Variants in DRC11 observed in about 807,000 individuals in gnomAD.
DRC11 encodes the protein IQ and AAA domain-containing protein 1.
At chr2:236,354,185 G>A in the DRC11 span, among the ~76,000 whole-genome samples, 3 of 148,886 alleles carry the variant, frequency 2.0e-5, no homozygotes, top group Non-Finnish European at 3.0e-5. Context: ...GTGTATGTCT[G>A]TGGTCAATGT....
chr2:236,465,908 C>A, the DRC11 span, among the ~76,000 whole-genome samples: 20 of 152,146 alleles, frequency 1.3e-4, no homozygotes, highest in Admixed American at 6.5e-5. The surrounding 1 kb of genome is among the most constrained non-coding windows in gnomAD (Gnocchi z 6.2). Context: ...TGACATAATG[C>A]TTTATGTTCT....
the DRC11 span, among the ~76,000 whole-genome samples, chr2:236,452,681 C>T: frequency 2.0e-5 from 3 of 152,314 alleles, no homozygotes; most frequent in African/African-American, 4.8e-5. The surrounding 1 kb of genome is among the most constrained non-coding windows in gnomAD (Gnocchi z 4.7). Context: ...AACCTCTTAG[C>T]GGCACCTTAC....
chr2:236,340,550 A>G, the DRC11 span, among the ~76,000 whole-genome samples: 8 of 152,238 alleles, frequency 5.3e-5, no homozygotes, highest in African/African-American at 1.9e-4. Context: ...GGTGGGAGTG[A>G]CTGGGCATTT....
the DRC11 span, among the ~76,000 whole-genome samples, chr2:236,378,108 A>G: frequency 6.6e-6 from 1 of 152,198 alleles, no homozygotes; most frequent in Non-Finnish European, 1.5e-5. Flanking sequence ...ACCCAAGCCA[A>G]ATACTATTCG....
the DRC11 span, among the ~76,000 whole-genome samples, chr2:236,438,765 A>AT: frequency 2.0e-5 from 3 of 151,982 alleles, no homozygotes; most frequent in East Asian, 1.9e-4. Context: ...CAGAATATAC[A>AT]TTTTTTTCAG....
the DRC11 span, among the ~76,000 whole-genome samples, chr2:236,397,150 G>T: frequency 6.6e-6 from 1 of 152,222 alleles, no homozygotes; most frequent in Non-Finnish European, 1.5e-5. This position sits in a 1 kb window ranked among gnomAD's most constrained non-coding sequence, Gnocchi z 5.0. Context: ...TTTCGTGGAA[G>T]CTCTTTCGGG....
At chr2:236,449,945 ATGTG>A in the DRC11 span, among the ~76,000 whole-genome samples, 1 of 152,154 alleles carries the variant, frequency 6.6e-6, no homozygotes, top group Non-Finnish European at 1.5e-5. This position sits in a 1 kb window ranked among gnomAD's most constrained non-coding sequence, Gnocchi z 5.1. Flanking sequence ...AGAAACCCCT[ATGTG>A]TGTATTTACA....
chr2:236,476,235 A>T, the DRC11 span, among the ~76,000 whole-genome samples: 2 of 151,548 alleles, frequency 1.3e-5, no homozygotes. This position sits in a 1 kb window ranked among gnomAD's most constrained non-coding sequence, Gnocchi z 4.7. Context: ...GTCCTCTCCA[A>T]TTTTTTCATC....
the DRC11 span, among the ~76,000 whole-genome samples, chr2:236,464,868 T>A: frequency 0.014 from 2,185 of 152,282 alleles, 57 homozygotes; most frequent in African/African-American, 0.05. Context: ...CTCTTGCTCT[T>A]GCCATTTGAC....
At chr2:236,474,578 T>TA in the DRC11 span, among the ~76,000 whole-genome samples, 1 of 152,178 alleles carries the variant, frequency 6.6e-6, no homozygotes, top group Non-Finnish European at 1.5e-5. Context: ...ATGTTAAACT[T>TA]AGACTGTACT....
chr2:236,386,314 C>G, the DRC11 span, among the ~76,000 whole-genome samples: 1 of 151,658 alleles, frequency 6.6e-6, no homozygotes, highest in Non-Finnish European at 1.5e-5. Flanking sequence ...GGTTGGTAAG[C>G]TATTGATTAT....
At chr2:236,309,410 C>T in the DRC11 span, among the ~76,000 whole-genome samples, 2 of 152,138 alleles carry the variant, frequency 1.3e-5, no homozygotes, top group Non-Finnish European at 2.9e-5. The surrounding 1 kb of genome is among the most constrained non-coding windows in gnomAD (Gnocchi z 5.7). Context: ...AAGGAAGAGA[C>T]ATCCCGTTTA....
At chr2:236,379,271 A>T in the DRC11 span, among the ~76,000 whole-genome samples, 1 of 140,188 alleles carries the variant, frequency 7.1e-6, no homozygotes, top group Non-Finnish European at 1.6e-5. Context: ...CCCAAACAGA[A>T]GAGTGACAGG....
the DRC11 span, among the ~76,000 whole-genome samples, chr2:236,388,966 G>A: frequency 6.6e-6 from 1 of 152,148 alleles, no homozygotes; most frequent in Non-Finnish European, 1.5e-5. Flanking sequence ...CTCCCAGTTA[G>A]GCTGCTCGGG....
the DRC11 span, among the ~76,000 whole-genome samples, chr2:236,498,757 T>C: frequency 6.6e-6 from 1 of 152,322 alleles, no homozygotes; most frequent in Admixed American, 6.5e-5. Flanking sequence ...CACATCTTTG[T>C]TACTGGTCCC....
chr2:236,437,732 A>T, the DRC11 span, among the ~76,000 whole-genome samples: 1 of 152,084 alleles, frequency 6.6e-6, no homozygotes, highest in Non-Finnish European at 1.5e-5. Context: ...TGGCTGCATA[A>T]ATGTCTTCTT....
At chr2:236,342,029 G>A in the DRC11 span, among the ~76,000 whole-genome samples, 3 of 152,282 alleles carry the variant, frequency 2.0e-5, no homozygotes, top group Non-Finnish European at 2.9e-5. The surrounding 1 kb of genome is among the most constrained non-coding windows in gnomAD (Gnocchi z 5.8). Flanking sequence ...CTCGGGTGGC[G>A]TCACTGATCT....
chr2:236,310,520 C>T, the DRC11 span, among the ~76,000 whole-genome samples: 1 of 152,208 alleles, frequency 6.6e-6, no homozygotes, highest in Admixed American at 6.5e-5. This position sits in a 1 kb window ranked among gnomAD's most constrained non-coding sequence, Gnocchi z 5.5. Flanking sequence ...CACTTGATGT[C>T]ATGAGGAAAA....
chr2:236,456,081 A>G, the DRC11 span, among the ~76,000 whole-genome samples: 1 of 152,194 alleles, frequency 6.6e-6, no homozygotes, highest in African/African-American at 2.4e-5. This position sits in a 1 kb window ranked among gnomAD's most constrained non-coding sequence, Gnocchi z 5.4. Context: ...CAGACTCCAG[A>G]ATAAAAATAT....
Sources: allele counts gnomAD v4.1 joint callset (sites outside exome capture counted in the v4.1 genomes callset), GRCh38; gene constraint gnomAD v4.1.1; non-coding constraint Gnocchi (gnomAD v3.1); transcripts MANE v1.5; gene names NCBI Gene and HGNC (gene_info 2026-07-23, HGNC 2026-07-21).